EXOC3L2: variants seen among roughly 807,000 people sequenced by gnomAD.
The protein encoded by EXOC3L2 is exocyst complex component 3 like 2, also known as exocyst complex component 3-like protein 2.
A neutral mutation model predicts 44.4 loss-of-function variants in EXOC3L2; 17 were observed. The observed-to-expected ratio is 0.38, with a 90% CI of 0.26 to 0.57. EXOC3L2 has a LOEUF of 0.57. Ranked by LOEUF, EXOC3L2 falls within the 20% of genes least tolerant of loss-of-function variation. EXOC3L2 has a pLI of 0.65. For synonymous variants in EXOC3L2, 256 were observed against 253.7 expected (o/e 1.01, Z -0.09); for missense variants, 541 against 588.4 (o/e 0.92, Z 0.83).
intron 9 of EXOC3L2, 104 bp from the exon 10 acceptor site, chr19:45,217,787 C>T (rs1013139067): frequency 5.3e-6 from 7 of 1,312,860 alleles, no homozygotes; most frequent in Non-Finnish European, 6.9e-6. Flanking sequence ...ACATCCACTC[C>T]GGGCACCCAT....
In EXOC3L2 at chr19:45,231,765, T is replaced by C. The variant is rs1477731467; in HGVS notation, c.1267A>G (p.Lys423Glu). The C allele has an allele frequency of 2.5e-6, 4 of 1,604,180 alleles. No individual in the cohort carries two copies. Among genetic ancestry groups the C allele is most frequent in the South Asian group, 2.2e-5 (2 of 90,548 alleles). Residue 423 changes from lysine (K) to glutamate (E), a missense_variant and splice_region_variant, in exon 4 of 12, where the codon AAG (lysine) becomes GAG (glutamate). Physicochemically the swap from Lys to Glu is moderately conservative, Grantham distance 56. Transcript: ENST00000413988. ...CCAAAATGCAAAGTTCCAGGTACCT[T>C]AACATCTGTGACGCATTCATCCTCC... ...GLEDECVTDV[K>E]AQTRAALLRV...
intron 9 of EXOC3L2, 141 bp downstream of exon 9, chr19:45,218,056 C>T: frequency 8.2e-7 from 1 of 1,223,096 alleles, no homozygotes. Context: ...GGGAGCCGCT[C>T]CCCACCTTAG....
At chr19:45,224,413 C>T (rs10403626) in intron 8 of EXOC3L2, among the ~76,000 whole-genome samples, 13,182 of 151,998 alleles carry the variant, frequency 0.087, 774 homozygotes, top group African/African-American at 0.16. Flanking sequence ...AGTGCTCCCA[C>T]CCCCCTACCA....
At chr19:45,218,477 T>TCACA (rs1969862833) in intron 8 of EXOC3L2, among the ~76,000 whole-genome samples, 158 bp from the exon 9 acceptor site, 1 of 151,894 alleles carries the variant, frequency 6.6e-6, no homozygotes, top group South Asian at 2.1e-4. Flanking sequence ...ATCCTTGGAC[T>TCACA]CACAGTCCAG....
chr19:45,227,726 C>G lies in EXOC3L2; in HGVS notation c.1519G>C (p.Glu507Gln). The part of the protein sequence containing the change: ...ERFHENPAVR[E>Q]MLPDTYISKT... ...CTGATATAGGTGTCAGGTAGCATCT[C>G]CCGGACTGCTGGGTTCTCATGGAAT... is the stretch of plus-strand genomic sequence containing the variant. The change falls in exon 7 of 12, where the codon GAG (glutamate) becomes CAG (glutamine). Residue 507 changes from glutamate (E) to glutamine (Q), a missense_variant. Coordinates refer to ENST00000413988, the MANE Select transcript of EXOC3L2 (RefSeq NM_001382422.1). 6.2e-7 allele frequency: 1 copy of G among 1,613,170 alleles called. No individual in the cohort carries two copies. The highest frequency in any genetic ancestry group is 1.1e-5 in the South Asian group (1 of 90,594).
chr19:45,218,158 T>TAC, intron 9 of EXOC3L2, 39 bp downstream of exon 9: 6 of 1,034,906 alleles, frequency 5.8e-6, no homozygotes, highest in Non-Finnish European at 8.0e-6. Context: ...TCCCCTCTTT[T>TAC]CCCCCACCCC....
At position 45,217,518 on chromosome 19, in the gene EXOC3L2, C is replaced by T. The variant is rs537383499; in HGVS notation, c.1998+10G>A. ...TTCTGAAACACCCCCAACCGCGTCC[C>T]GACACTGACCAGCCGCCGGAACAGC... On this transcript the variant is annotated intron_variant, in intron 10 of 11. Transcript: ENST00000413988. 1.3e-6 allele frequency: 2 copies of T among 1,571,522 alleles called. No homozygotes were observed. The highest frequency in any genetic ancestry group is 1.4e-5 in the African/African-American group (1 of 71,666).
At chr19:45,243,520 G>C (rs909584339) in intron 1 of EXOC3L2, among the ~76,000 whole-genome samples, 8 of 152,104 alleles carry the variant, frequency 5.3e-5, no homozygotes, top group African/African-American at 1.9e-4. Flanking sequence ...ATGGGCCCCC[G>C]CCCCCACAGG....
At chr19:45,217,917 C>G (rs993773362) in intron 9 of EXOC3L2, among the ~76,000 whole-genome samples, 17 of 152,024 alleles carry the variant, frequency 1.1e-4, no homozygotes, top group African/African-American at 4.1e-4. Context: ...GTGCTCCATC[C>G]CAGCCTCTCC....
chr19:45,217,062 C>T (rs1470458154), intron 10 of EXOC3L2: 1 of 152,438 alleles, frequency 6.6e-6, no homozygotes, highest in Admixed American at 6.6e-5. Flanking sequence ...TCACTCTGTC[C>T]TCCAGGCTGG....
At chr19:45,233,394 T>G (rs2122984250) in intron 3 of EXOC3L2, among the ~76,000 whole-genome samples, 1 of 152,322 alleles carries the variant, frequency 6.6e-6, no homozygotes, top group South Asian at 2.1e-4. Context: ...TCAACAGTAC[T>G]AATGCCCTAG....
chr19:45,224,555 T>G (rs764526887), intron 8 of EXOC3L2, among the ~76,000 whole-genome samples: 10 of 151,820 alleles, frequency 6.6e-5, no homozygotes, highest in Non-Finnish European at 1.3e-4. Context: ...AGGGGCTCCA[T>G]CCAAACCTCA....
chr19:45,236,465 CAAAAA>C (rs34024056), intron 2 of EXOC3L2, among the ~76,000 whole-genome samples: 1 of 44,994 alleles, frequency 2.2e-5, no homozygotes, highest in Non-Finnish European at 3.9e-5. Context: ...GACTCCATCT[CAAAAA>C]AAAAAAAAAA....
chr19:45,212,942 G>C lies in EXOC3L2; in HGVS notation c.*127C>G, dbSNP rs1969791076. The C allele has an allele frequency of 2.7e-6, 3 of 1,115,146 alleles. No homozygotes were observed. Among genetic ancestry groups the C allele is most frequent in the Non-Finnish European group, 3.6e-6 (3 of 836,338 alleles). The allele number at this position is 1,115,146 out of a possible 1,614,324, so 69.1% of individuals were successfully genotyped here. Reference sequence around the variant, plus strand: ...CAGGGAGTTTGGGGTTGGGTGAAAAGACATCTAAGGGTCTTTCTATCCCAG... The same window carrying C: ...CAGGGAGTTTGGGGTTGGGTGAAAACACATCTAAGGGTCTTTCTATCCCAG... On this transcript the variant is annotated 3_prime_UTR_variant, in exon 12 of 12. Transcript: ENST00000413988.
At chr19:45,220,512 G>T (rs1041944408) in intron 8 of EXOC3L2, among the ~76,000 whole-genome samples, 2 of 152,008 alleles carry the variant, frequency 1.3e-5, no homozygotes, top group African/African-American at 4.8e-5. Context: ...TTTTCCCCCT[G>T]CCCAAAACAA....
intron 7 of EXOC3L2, among the ~76,000 whole-genome samples, chr19:45,225,683 C>T (rs1190791958): frequency 3.5e-5 from 5 of 144,372 alleles, no homozygotes; most frequent in Non-Finnish European, 6.0e-5. Flanking sequence ...AGTGCAGTGG[C>T]GCGATCTTGG....
intron 1 of EXOC3L2, among the ~76,000 whole-genome samples, chr19:45,242,629 AGGAG>A (rs1458048266): frequency 6.6e-6 from 1 of 152,014 alleles, no homozygotes; most frequent in Non-Finnish European, 1.5e-5. Context: ...TGGGAGGCCG[AGGAG>A]GGAGGATCAC....
intron 9 of EXOC3L2, 101 bp downstream of exon 9, chr19:45,218,096 G>T: frequency 7.1e-7 from 1 of 1,401,254 alleles, no homozygotes; most frequent in Non-Finnish European, 9.4e-7. Context: ...AGCGTTCTTG[G>T]CTCTCCCAAC....
At chr19:45,231,697 C>A in intron 4 of EXOC3L2, 66 bp downstream of exon 4, 1 of 1,417,626 alleles carries the variant, frequency 7.1e-7, no homozygotes, top group Non-Finnish European at 9.8e-7. Flanking sequence ...GACAGGCTTC[C>A]CAAGCCCACT....
Sources: allele counts gnomAD v4.1 joint callset (sites outside exome capture counted in the v4.1 genomes callset), GRCh38; gene constraint gnomAD v4.1.1; transcripts MANE v1.5; gene names NCBI Gene and HGNC (gene_info 2026-07-23, HGNC 2026-07-21).